The following SPIDR variants were observed in gnomAD, a reference collection of about 807,000 sequenced individuals.
The protein encoded by SPIDR is scaffold protein involved in DNA repair, also known as DNA repair-scaffolding protein.
In SPIDR, 93 loss-of-function variants were observed where a neutral mutation model predicts 104.6. The ratio of observed to expected loss-of-function variants is 0.89; its 90% CI spans 0.75 to 1.06. The LOEUF (loss-of-function observed/expected upper bound fraction) is 1.06, where lower values mean the gene tolerates loss of function less well. SPIDR is among the 50% of genes least tolerant of loss of function. The pLI, the probability that SPIDR is intolerant of heterozygous loss-of-function variation, is 0.00. For missense variants in SPIDR, 1,154 were observed against 1,111.2 expected, an observed-to-expected ratio of 1.04 and a Z score of -0.55; for synonymous variants, 431 against 416.9, an observed-to-expected ratio of 1.03 and a Z score of -0.41.
In SPIDR at chr8:47,713,418, G is replaced by C. The variant is rs182746714; in HGVS notation, c.2189-71G>C. The C allele has an allele frequency of 1.9e-4, 306 of 1,603,152 alleles. 2 individuals carry two copies. The African/African-American group carries it at 2.9e-3, about 15-fold the overall frequency. The stretch of plus-strand genomic sequence containing the variant: ...CTGCATGACTCGAGGGGTAGCAAAG[G>C]AGACTGCCATTATGGGCACAATTCA... On this transcript the variant is annotated intron_variant, in intron 15 of 19. Coordinates refer to ENST00000297423, the MANE Select transcript of SPIDR (RefSeq NM_001080394.4).
intron 6 of SPIDR, among the ~76,000 whole-genome samples, chr8:47,402,607 A>G (rs2062062155): frequency 6.6e-6 from 1 of 152,220 alleles, no homozygotes; most frequent in South Asian, 2.1e-4. Flanking sequence ...ATCTAGAAGA[A>G]ATGGATAAAT....
At chr8:47,268,869 G>T (rs1228628017) in intron 1 of SPIDR, among the ~76,000 whole-genome samples, 4 of 152,140 alleles carry the variant, frequency 2.6e-5, no homozygotes, top group Admixed American at 6.6e-5. Flanking sequence ...AGGATTTCCT[G>T]TGTACAAGGT....
At chr8:47,352,509 A>G (rs2053726459) in intron 5 of SPIDR, among the ~76,000 whole-genome samples, 1 of 152,122 alleles carries the variant, frequency 6.6e-6, no homozygotes, top group Non-Finnish European at 1.5e-5. Flanking sequence ...TGAGGGGTGA[A>G]AGGAAGGGCT....
chr8:47,486,439 T>C (rs2077628609), intron 8 of SPIDR, among the ~76,000 whole-genome samples: 1 of 152,124 alleles, frequency 6.6e-6, no homozygotes, highest in African/African-American at 2.4e-5. Flanking sequence ...GCGGATATTA[T>C]CCAGGAGAAC....
At chr8:47,319,204 CAT>C (rs1447121928) in intron 5 of SPIDR, among the ~76,000 whole-genome samples, 33 of 152,258 alleles carry the variant, frequency 2.2e-4, no homozygotes, top group African/African-American at 7.7e-4. Context: ...AAACCCATCT[CAT>C]GTGCAGAAGA....
chr8:47,560,898 T>C (rs2056979114), intron 8 of SPIDR, among the ~76,000 whole-genome samples: 1 of 152,192 alleles, frequency 6.6e-6, no homozygotes, highest in Non-Finnish European at 1.5e-5. Flanking sequence ...TGCTGCACAA[T>C]GAAACTGTTT....
intron 10 of SPIDR, among the ~76,000 whole-genome samples, chr8:47,602,786 G>A (rs2062452267): frequency 6.6e-6 from 1 of 152,066 alleles, no homozygotes; most frequent in Non-Finnish European, 1.5e-5. Context: ...TCCTATTCAG[G>A]GTCAGATAGA....
intron 8 of SPIDR, among the ~76,000 whole-genome samples, chr8:47,466,543 G>A (rs2074806289): frequency 6.6e-6 from 1 of 152,004 alleles, no homozygotes; most frequent in South Asian, 2.1e-4. Flanking sequence ...GGAAATTTGT[G>A]GCACTAAACA....
chr8:47,587,221 A>G (rs1331945640), intron 8 of SPIDR, among the ~76,000 whole-genome samples: 1 of 152,168 alleles, frequency 6.6e-6, no homozygotes, highest in Non-Finnish European at 1.5e-5. Context: ...TTTGAGTTAA[A>G]TGGTATATAA....
rs527496829 is a variant in SPIDR at position 47,467,510 on chromosome 8, A to G, written c.1097+26968A>G. On this transcript the variant is annotated intron_variant, in intron 8 of 19. Coordinates refer to ENST00000297423, the MANE Select transcript of SPIDR (RefSeq NM_001080394.4). ...CCGCAACACATCAAAAAGCTTATCC[A>G]CCACGATCAAGTTGGCTTTATCCCT... Among the ~76,000 whole-genome samples, 533 of 152,296 alleles carry G rather than the reference A, an allele frequency of 3.5e-3. 2 individuals carry two copies. The highest frequency in any genetic ancestry group is 6.1e-3 in the Non-Finnish European group (414 of 68,014).
In SPIDR at chr8:47,515,980, T is replaced by C. The variant is rs558559562; in HGVS notation, c.1097+75438T>C. 2.0e-4 allele frequency among the ~76,000 whole-genome samples: 30 copies of C among 152,328 alleles called. No homozygotes were observed. In the South Asian group the frequency reaches 6.2e-3, roughly 32 times the overall value. On this transcript the variant is annotated intron_variant, in intron 8 of 19. Coordinates refer to ENST00000297423, the MANE Select transcript of SPIDR (RefSeq NM_001080394.4). ...GCTCACCACCACACCAGCCTAATTTTTTGTATTTTTAGTAGATACAGGGTT... is the reference window on the plus strand; with the variant it reads ...GCTCACCACCACACCAGCCTAATTTCTTGTATTTTTAGTAGATACAGGGTT...
intron 8 of SPIDR, among the ~76,000 whole-genome samples, chr8:47,519,425 G>T (rs2083681871): frequency 1.3e-5 from 2 of 152,296 alleles, no homozygotes; most frequent in South Asian, 4.2e-4. Context: ...GATTACAGAA[G>T]TGAGTCACTG....
At chr8:47,349,141 G>T (rs1360037178) in intron 5 of SPIDR, among the ~76,000 whole-genome samples, 1 of 152,174 alleles carries the variant, frequency 6.6e-6, no homozygotes, top group Non-Finnish European at 1.5e-5. Context: ...TTTTAGTGTG[G>T]ATGTCCTTTT....
chr8:47,403,118 A>G (rs1245719978), intron 6 of SPIDR, among the ~76,000 whole-genome samples: 2 of 152,226 alleles, frequency 1.3e-5, no homozygotes, highest in Non-Finnish European at 1.5e-5. Flanking sequence ...GAATATCTCA[A>G]TAGATGCAGA....
At chr8:47,399,771 A>G (rs1554661156) in intron 6 of SPIDR, among the ~76,000 whole-genome samples, 1 of 152,202 alleles carries the variant, frequency 6.6e-6, no homozygotes, top group African/African-American at 2.4e-5. Context: ...AAGCTGGGTA[A>G]AGTGAGAATG....
chr8:47,301,378 T>G (rs1000755736), intron 5 of SPIDR, among the ~76,000 whole-genome samples: 1 of 152,208 alleles, frequency 6.6e-6, no homozygotes, highest in Non-Finnish European at 1.5e-5. Context: ...CGCACACTGA[T>G]GGGTCTTGAC....
chr8:47,713,187 CT>C, intron 15 of SPIDR: 1 of 662,210 alleles, frequency 1.5e-6, no homozygotes. Flanking sequence ...CAGCCAGCCC[CT>C]TTTTCCAGGG....
chr8:47,626,888 G>A (rs1032682440), intron 10 of SPIDR, among the ~76,000 whole-genome samples: 1 of 152,074 alleles, frequency 6.6e-6, no homozygotes, highest in African/African-American at 2.4e-5. Context: ...CCATTACTGG[G>A]TATATACCCA....
intron 8 of SPIDR, among the ~76,000 whole-genome samples, chr8:47,560,750 T>G (rs2056963228): frequency 6.6e-6 from 1 of 152,172 alleles, no homozygotes; most frequent in Admixed American, 6.5e-5. Flanking sequence ...TATCCTTCCT[T>G]TATATGGATC....
Sources: gnomAD v4.1 joint callset for allele counts (sites outside exome capture counted in the v4.1 genomes callset) on GRCh38, gnomAD v4.1.1 for gene constraint, MANE v1.5 for transcripts, NCBI Gene and HGNC (gene_info 2026-07-23, HGNC 2026-07-21) for gene names.